Variants in ETF1 observed in about 807,000 individuals in gnomAD.
ETF1 encodes the protein eukaryotic peptide chain release factor subunit 1.
In ETF1, 4 loss-of-function variants were observed where a neutral mutation model predicts 55.1. That is an observed-to-expected ratio of 0.07 (90% CI 0.04 to 0.17). ETF1 has a LOEUF of 0.17. ETF1 is among the 10% of genes least tolerant of loss of function. The pLI is 1.00. For missense variants in ETF1, 142 were observed against 523.6 expected (o/e 0.27, Z 7.11); for synonymous variants, 157 against 182.3 (o/e 0.86, Z 1.12).
At chr5:138,513,424 T>C (rs1188154940) in intron 5 of ETF1, 144 bp downstream of exon 5, 1 of 798,736 alleles carries the variant, frequency 1.3e-6, no homozygotes, top group East Asian at 2.6e-5. Context: ...CGGGCTGGTC[T>C]CGAACTTCTG....
chr5:138,525,511 T>A lies in ETF1; in HGVS notation c.87-6644A>T, dbSNP rs531914481. 5.9e-5 allele frequency among the ~76,000 whole-genome samples: 9 copies of A among 152,178 alleles called. No homozygotes were observed. The South Asian group carries it at 1.9e-3, about 32-fold the overall frequency. ...TATAAACAGAATCAAATCTACAACA[T>A]ATAGGAAACTAGAAATCCCAAATCT... On this transcript the variant is annotated intron_variant, in intron 2 of 10. Coordinates refer to ENST00000360541, the MANE Select transcript of ETF1 (RefSeq NM_004730.4).
At position 138,532,041 on chromosome 5, in the gene ETF1, G is replaced by A. The variant is rs753724727; in HGVS notation, c.86+10792C>T. Among the ~76,000 whole-genome samples, 52 of 138,610 alleles carry A rather than the reference G, an allele frequency of 3.8e-4. No individual in the cohort carries two copies. In the Admixed American group the frequency reaches 3.9e-3, roughly 10 times the overall value. The allele number at this position is 138,610 out of a possible 152,430, so 90.9% of individuals were successfully genotyped here. ...AACTTGGGCGACAGAGCGAGACTCC[G>A]CCTCAAAAAAATAAAATAAAATAAA... is the stretch of plus-strand genomic sequence containing the variant. On this transcript the variant is annotated intron_variant, in intron 2 of 10. Transcript: ENST00000360541.
At chr5:138,510,776 G>C in intron 8 of ETF1, 147 bp from the exon 9 acceptor site, 1 of 1,187,194 alleles carries the variant, frequency 8.4e-7, no homozygotes, top group Non-Finnish European at 1.2e-6. Context: ...TACACTGAGT[G>C]TCTACTAGGT....
chr5:138,542,633 C>A, intron 2 of ETF1, 200 bp downstream of exon 2: 1 of 1,426,798 alleles, frequency 7.0e-7, no homozygotes. Flanking sequence ...GGGCCCCTTA[C>A]CCCCATGCGG....
Position 138,508,210 on chromosome 5 carries a change from G to T in ETF1, c.*95C>A, listed in dbSNP as rs969615135. The stretch of plus-strand genomic sequence containing the variant: ...ATTAAGTTCTGGAAATGTTCCAATT[G>T]TAAGGCAGGGATCTGTTTGGATTCC... On this transcript the variant is annotated 3_prime_UTR_variant, in exon 11 of 11. Transcript: ENST00000360541. 1.9e-4 allele frequency: 255 copies of T among 1,375,162 alleles called. 1 individual carries two copies. The highest frequency in any genetic ancestry group is 2.2e-4 in the Non-Finnish European group (227 of 1,012,998). The allele number at this position is 1,375,162 out of a possible 1,614,324, so 85.2% of individuals were successfully genotyped here. A position where few individuals can be genotyped will look rare whatever the true frequency, so the allele number is the denominator to read the frequency against.
At position 138,536,396 on chromosome 5, in the gene ETF1, G is replaced by A. The variant is rs1478661676; in HGVS notation, c.86+6437C>T. Among the ~76,000 whole-genome samples, 7 of 152,288 alleles carry A rather than the reference G, an allele frequency of 4.6e-5. No homozygotes were observed. In the East Asian group the frequency reaches 1.3e-3, roughly 29 times the overall value. ...TGAGAAGAGTAAAGAGAGTGGGCAA[G>A]GATGTGTGTCAAATGGCATAAGATA... On this transcript the variant is annotated intron_variant, in intron 2 of 10. Transcript: ENST00000360541.
chr5:138,519,664 A>AG (rs1765158303), intron 2 of ETF1, among the ~76,000 whole-genome samples: 1 of 150,036 alleles, frequency 6.7e-6, no homozygotes, highest in Non-Finnish European at 1.5e-5. Flanking sequence ...CTTAGTCTCG[A>AG]GAAAAAAAAA....
intron 3 of ETF1, chr5:138,518,027 C>G (rs1330159038): frequency 4.5e-6 from 1 of 221,580 alleles, no homozygotes; most frequent in Non-Finnish European, 7.6e-6. Context: ...CATGGTGAAA[C>G]CCCATCTCTA....
intron 2 of ETF1, 157 bp downstream of exon 2, chr5:138,542,676 A>T: frequency 6.9e-7 from 1 of 1,446,616 alleles, no homozygotes; most frequent in East Asian, 2.5e-5. Flanking sequence ...AACCGCGCCG[A>T]CCCTCGCCCC....
rs531299719 is a variant in ETF1 at position 138,538,274 on chromosome 5, A to G, written c.86+4559T>C. On this transcript the variant is annotated intron_variant, in intron 2 of 10. Coordinates refer to ENST00000360541, the MANE Select transcript of ETF1 (RefSeq NM_004730.4). The stretch of plus-strand genomic sequence containing the variant: ...GCGGAATCCCGGCTCACTGCAACCT[A>G]CGCCTCCAAGGTTCAAGCATTTCTC... 4.1e-4 allele frequency among the ~76,000 whole-genome samples: 60 copies of G among 144,670 alleles called. 5 individuals carry two copies. The highest frequency in any genetic ancestry group is 1.4e-3 in the African/African-American group (54 of 38,098). The allele number at this position is 144,670 out of a possible 152,430, so 94.9% of individuals were successfully genotyped here. A position where few individuals can be genotyped will look rare whatever the true frequency, so the allele number is the denominator to read the frequency against.
At position 138,517,612 on chromosome 5, in the gene ETF1, G is replaced by A. The variant is rs1172975324; in HGVS notation, c.351C>T (p.Phe117=). The A allele has an allele frequency of 1.9e-6, 3 of 1,598,954 alleles. No individual in the cohort carries two copies. In the African/African-American group the frequency reaches 4.0e-5, roughly 21 times the overall value. ...AATACAATGACGTATTAATTGGTTT[G>A]AAAGGTTCAAAGTCAATGTTGACTT... is the stretch of plus-strand genomic sequence containing the variant. The part of the protein sequence containing the change: ...EKKVNIDFEP[F]KPINTSLYLC... The change falls in exon 4 of 11, where the codon TTC becomes TTT. Residue 117 remains phenylalanine, a synonymous_variant. Coordinates refer to ENST00000360541, the MANE Select transcript of ETF1 (RefSeq NM_004730.4).
At chr5:138,511,395 CACACACAT>C (rs552349856) in intron 7 of ETF1, 72 bp downstream of exon 7, 113,064 of 866,924 alleles carry the variant, frequency 0.13, 1,039 homozygotes, top group South Asian at 0.25. Flanking sequence ...TACATACACA[CACACACAT>C]ACACACACAC....
chr5:138,540,787 T>C (rs764674130), intron 2 of ETF1, among the ~76,000 whole-genome samples: 1 of 152,214 alleles, frequency 6.6e-6, no homozygotes, highest in Non-Finnish European at 1.5e-5. Context: ...CTTTAAACTT[T>C]ACTGAACTTT....
chr5:138,533,510 A>G (rs1011601665), intron 2 of ETF1, among the ~76,000 whole-genome samples: 1 of 151,832 alleles, frequency 6.6e-6, no homozygotes, highest in Admixed American at 6.6e-5. Flanking sequence ...ACATGGTGAA[A>G]CCCTGTCTCT....
At chr5:138,513,910 G>A (rs1764913019) in intron 4 of ETF1, 19 of 862,736 alleles carry the variant, frequency 2.2e-5, no homozygotes, top group Non-Finnish European at 2.6e-5. Flanking sequence ...AGGAAATAAC[G>A]AATGATATCT....
At chr5:138,517,329 C>CCACT (rs1441957176) in intron 4 of ETF1, among the ~76,000 whole-genome samples, 1 of 151,520 alleles carries the variant, frequency 6.6e-6, no homozygotes, top group Non-Finnish European at 1.5e-5. Flanking sequence ...CGAGATCATA[C>CCACT]CACTGCACTC....
chr5:138,515,761 G>A (rs1481080732), intron 4 of ETF1, among the ~76,000 whole-genome samples: 5 of 152,158 alleles, frequency 3.3e-5, no homozygotes, highest in African/African-American at 9.7e-5. Context: ...ATTCAAAATC[G>A]GCTTTCATCC....
intron 9 of ETF1, among the ~76,000 whole-genome samples, chr5:138,509,894 CAAAAAAAA>C (rs34092773): frequency 1.5e-5 from 1 of 66,392 alleles, no homozygotes; most frequent in Non-Finnish European, 2.9e-5. Flanking sequence ...AACTCCACCT[CAAAAAAAA>C]AAAAAAAAAA....
intron 2 of ETF1, among the ~76,000 whole-genome samples, chr5:138,532,079 T>TAAAC (rs397762234): frequency 6.6e-6 from 1 of 150,456 alleles, no homozygotes; most frequent in Non-Finnish European, 1.5e-5. Flanking sequence ...AATAAATAAA[T>TAAAC]CTCAGCCAGA....
Sources: allele counts gnomAD v4.1 joint callset (sites outside exome capture counted in the v4.1 genomes callset), GRCh38; gene constraint gnomAD v4.1.1; transcripts MANE v1.5; gene names NCBI Gene and HGNC (gene_info 2026-07-23, HGNC 2026-07-21).